SSPN: variants seen among roughly 807,000 people sequenced by gnomAD.
SSPN encodes the protein K-ras oncogene-associated protein.
In SSPN, 15 loss-of-function variants were observed where a neutral mutation model predicts 19.1. The ratio of observed to expected loss-of-function variants is 0.78; its 90% CI spans 0.52 to 1.21. The LOEUF is 1.21. Among genes scored for constraint, SSPN ranks in the 50% most tolerant of loss-of-function variants. SSPN has a pLI of 0.00. For synonymous variants in SSPN, 147 were observed against 140.3 expected, an observed-to-expected ratio of 1.05 and a Z score of -0.34; for missense variants, 291 against 314.0, an observed-to-expected ratio of 0.93 and a Z score of 0.55.
intron 1 of SSPN, among the ~76,000 whole-genome samples, chr12:26,159,174 G>A (rs1161243214): frequency 6.6e-6 from 1 of 152,220 alleles, no homozygotes; most frequent in Non-Finnish European, 1.5e-5. Context: ...CATGGGTTGT[G>A]ACAGATTGAC....
intron 1 of SSPN, among the ~76,000 whole-genome samples, chr12:26,217,265 T>C (rs1945063584): frequency 7.1e-6 from 1 of 140,960 alleles, no homozygotes; most frequent in Admixed American, 7.2e-5. Context: ...CAGTGGTTTG[T>C]AGTTCTCCTT....
chr12:26,188,998 AAAG>A (rs2137449562), intron 1 of SSPN, among the ~76,000 whole-genome samples: 1 of 152,304 alleles, frequency 6.6e-6, no homozygotes, highest in East Asian at 1.9e-4. Context: ...GACTTTAGAG[AAAG>A]AAGATCTAGG....
intron 1 of SSPN, among the ~76,000 whole-genome samples, chr12:26,202,174 G>A (rs2343871): frequency 0.99 from 151,511 of 152,340 alleles, 75,344 homozygotes; most frequent in Middle Eastern, 1. Flanking sequence ...GACATGAAAA[G>A]GTCTGTACAT....
intron 1 of SSPN, among the ~76,000 whole-genome samples, chr12:26,172,302 G>C (rs953450299): frequency 6.6e-6 from 1 of 152,130 alleles, no homozygotes; most frequent in African/African-American, 2.4e-5. Flanking sequence ...ATTCCAGAAG[G>C]ACTTTTTGTG....
chr12:26,178,704 C>T (rs867709381), intron 1 of SSPN, among the ~76,000 whole-genome samples: 4 of 152,188 alleles, frequency 2.6e-5, no homozygotes, highest in Non-Finnish European at 2.9e-5. Flanking sequence ...ACACAAGAAG[C>T]TTGGATATGC....
At chr12:26,144,759 A>G (rs1350049479) in intron 1 of SSPN, among the ~76,000 whole-genome samples, 1 of 152,222 alleles carries the variant, frequency 6.6e-6, no homozygotes, top group Non-Finnish European at 1.5e-5. Flanking sequence ...TGTTGAAAGA[A>G]TAGATGGTTT....
intron 1 of SSPN, among the ~76,000 whole-genome samples, chr12:26,208,018 TGG>T (rs57868336): frequency 0.11 from 14,324 of 134,840 alleles, 1,394 homozygotes; most frequent in African/African-American, 0.27. Flanking sequence ...GTGGTGGTGG[TGG>T]GGGGGGGGGA....
At chr12:26,147,277 T>G (rs1355155841) in intron 1 of SSPN, among the ~76,000 whole-genome samples, 2 of 81,960 alleles carry the variant, frequency 2.4e-5, no homozygotes, top group African/African-American at 7.8e-5. Flanking sequence ...GTTTTTTTTG[T>G]GTTTTTTTTT....
At chr12:26,135,063 C>A (rs191269557) in intron 1 of SSPN, 1 of 152,366 alleles carries the variant, frequency 6.6e-6, no homozygotes, top group East Asian at 1.9e-4. Context: ...AGAACTTTTA[C>A]TTCCTTTCGC....
At chr12:26,134,148 T>G (rs1944412498) in intron 1 of SSPN, among the ~76,000 whole-genome samples, 1 of 152,218 alleles carries the variant, frequency 6.6e-6, no homozygotes, top group African/African-American at 2.4e-5. Context: ...CTGCCCCCCT[T>G]TCTAGAATCC....
Position 26,226,406 on chromosome 12 carries a change from A to T in SSPN, c.366+2027A>T, listed in dbSNP as rs1011285795. ...CCTCCTGTTGAATGCCCAGATAGCC[A>T]GGACAAGCAAACGGGCCATGATGAC... On this transcript the variant is annotated intron_variant, in intron 2 of 2. Transcript: ENST00000242729. 2.0e-5 allele frequency among the ~76,000 whole-genome samples: 3 copies of T among 152,214 alleles called. No individual in the cohort carries two copies. In the East Asian group the frequency reaches 5.8e-4, roughly 29 times the overall value.
chr12:26,198,365 G>A (rs962650299), intron 1 of SSPN, among the ~76,000 whole-genome samples: 6 of 152,176 alleles, frequency 3.9e-5, no homozygotes, highest in South Asian at 2.1e-4. Context: ...CTTGTGTGCC[G>A]AATAACTTTG....
chr12:26,226,818 G>T (rs1481975317), intron 2 of SSPN, among the ~76,000 whole-genome samples: 2 of 152,152 alleles, frequency 1.3e-5, no homozygotes, highest in Admixed American at 6.5e-5. Context: ...CCCGAGCAGT[G>T]CGCTGCAGAA....
At chr12:26,151,979 A>G (rs1944528574) in intron 1 of SSPN, among the ~76,000 whole-genome samples, 1 of 152,202 alleles carries the variant, frequency 6.6e-6, no homozygotes, top group South Asian at 2.1e-4. Flanking sequence ...GTCACACCAG[A>G]TAATACTTTT....
rs186191086 is a variant in SSPN, at chr12:26,199,574, T to C, written c.279+3623T>C. Reference sequence around the variant, plus strand: ...GATCCTAGGACAGAGAAGTGTGTTCTGCATTTTATTCTGTTAATGGCTTTA... The same window carrying C: ...GATCCTAGGACAGAGAAGTGTGTTCCGCATTTTATTCTGTTAATGGCTTTA... On this transcript the variant is annotated intron_variant, in intron 1 of 2. Transcript: ENST00000242729. Among the ~76,000 whole-genome samples, 164 of 152,362 alleles carry C rather than the reference T, an allele frequency of 1.1e-3. 1 individual carries two copies. Among genetic ancestry groups the C allele is most frequent in the African/African-American group, 3.9e-3 (164 of 41,580 alleles).
chr12:26,143,305 G>C (rs1944471179), intron 1 of SSPN, among the ~76,000 whole-genome samples: 2 of 152,162 alleles, frequency 1.3e-5, no homozygotes, highest in South Asian at 4.1e-4. Context: ...AATCATAATA[G>C]AGAAATATTA....
chr12:26,136,399 C>T (rs1299125767), intron 1 of SSPN, among the ~76,000 whole-genome samples: 3 of 152,104 alleles, frequency 2.0e-5, no homozygotes, highest in African/African-American at 7.2e-5. Flanking sequence ...GCTGTTTTCC[C>T]CTGAGTAGCT....
rs974544779 is a variant in SSPN at position 26,123,255 on chromosome 12, G to C, written c.-31+1103G>C. The C allele has an allele frequency of 7.6e-6, 11 of 1,455,362 alleles. No homozygotes were observed. The African/African-American group carries it at 1.6e-4, about 21-fold the overall frequency. 90.2% of individuals were successfully genotyped at this position (1,455,362 alleles called of 1,614,324 possible). A position where few individuals can be genotyped will look rare whatever the true frequency, so the allele number is the denominator to read the frequency against. Reference sequence around the variant, plus strand: ...ACGTTAAAACATCTGCTTATCACGTGGGCCCTGCATCGACTAAAGTGATCT... The same window carrying C: ...ACGTTAAAACATCTGCTTATCACGTCGGCCCTGCATCGACTAAAGTGATCT... On this transcript the variant is annotated intron_variant, in intron 1 of 2. Transcript: ENST00000538142.
At chr12:26,141,478 T>C (rs1944460374) in intron 1 of SSPN, among the ~76,000 whole-genome samples, 1 of 152,234 alleles carries the variant, frequency 6.6e-6, no homozygotes, top group South Asian at 2.1e-4. Context: ...GGTAAATTTA[T>C]TGTAATTTGT....
Sources: gnomAD v4.1 joint callset for allele counts (sites outside exome capture counted in the v4.1 genomes callset) on GRCh38, gnomAD v4.1.1 for gene constraint, MANE v1.5 for transcripts, NCBI Gene and HGNC (gene_info 2026-07-23, HGNC 2026-07-21) for gene names.